PTPRD: variants seen among roughly 807,000 people sequenced by gnomAD.
PTPRD encodes protein tyrosine phosphatase receptor type D, also known as receptor-type tyrosine-protein phosphatase delta.
In PTPRD, 34 loss-of-function variants were observed where a neutral mutation model predicts 214.5. That is an observed-to-expected ratio of 0.16 (90% CI 0.12 to 0.21). The LOEUF is 0.21. PTPRD is among the 10% of genes least tolerant of loss of function. The pLI is 1.00. For synonymous variants in PTPRD, 1,128 were observed against 845.7 expected (o/e 1.33, Z -5.79); for missense variants, 2,545 against 2,398.7 (o/e 1.06, Z -1.27).
intron 10 of PTPRD, among the ~76,000 whole-genome samples, chr9:9,139,199 T>C (rs1195851266): frequency 6.6e-6 from 1 of 151,384 alleles, no homozygotes; most frequent in East Asian, 2.0e-4. Context: ...ACTATGTTTT[T>C]TTCTGTAATA....
intron 5 of PTPRD, among the ~76,000 whole-genome samples, chr9:9,864,385 G>A (rs965188025): frequency 4.6e-5 from 7 of 152,030 alleles, no homozygotes; most frequent in African/African-American, 1.7e-4. Flanking sequence ...TAAGAAGTTG[G>A]GAATAGAGGT....
At chr9:10,025,815 T>C (rs1278479376) in intron 4 of PTPRD, among the ~76,000 whole-genome samples, 1 of 152,168 alleles carries the variant, frequency 6.6e-6, no homozygotes, top group African/African-American at 2.4e-5. Context: ...ATTGAAAGAC[T>C]CTGAGGAAAC....
intron 11 of PTPRD, among the ~76,000 whole-genome samples, chr9:8,970,021 T>G (rs1168374331): frequency 6.6e-6 from 1 of 151,858 alleles, no homozygotes; most frequent in African/African-American, 2.4e-5. Context: ...TAGATGAGTG[T>G]TTGTGAGATA....
Position 10,020,035 on chromosome 9 carries a change from T to G in PTPRD, c.-472+13683A>C, listed in dbSNP as rs2096815877. On this transcript the variant is annotated intron_variant, in intron 4 of 45. Transcript: ENST00000381196. ...GTTTGGCACAATAATTTTACTCTTG[T>G]TTTATATAACTCAGTTTCAGATGTT... 2.0e-5 allele frequency among the ~76,000 whole-genome samples: 3 copies of G among 152,318 alleles called. No homozygotes were observed. In the South Asian group the frequency reaches 6.2e-4, roughly 32 times the overall value.
intron 11 of PTPRD, among the ~76,000 whole-genome samples, chr9:8,904,927 C>T (rs2098697157): frequency 6.6e-6 from 1 of 152,128 alleles, no homozygotes; most frequent in Non-Finnish European, 1.5e-5. Context: ...CATGTTTGGA[C>T]ATTTTTGGTT....
At chr9:9,029,243 A>T (rs1274725951) in intron 10 of PTPRD, among the ~76,000 whole-genome samples, 1 of 151,890 alleles carries the variant, frequency 6.6e-6, no homozygotes, top group Non-Finnish European at 1.5e-5. Context: ...TGCGACTTGC[A>T]TTATATTTCT....
intron 3 of PTPRD, among the ~76,000 whole-genome samples, chr9:10,301,159 A>T (rs1348429659): frequency 6.6e-6 from 1 of 152,146 alleles, no homozygotes; most frequent in African/African-American, 2.4e-5. Flanking sequence ...ACTCCAGCAG[A>T]CCTACAGCAG....
chr9:9,135,098 G>T (rs2099848841), intron 10 of PTPRD, among the ~76,000 whole-genome samples: 2 of 152,054 alleles, frequency 1.3e-5, no homozygotes, highest in Non-Finnish European at 2.9e-5. Context: ...AATTCCTTGA[G>T]GTAAAGGGTA....
chr9:9,789,747 A>C (rs1288400823), intron 5 of PTPRD, among the ~76,000 whole-genome samples: 1 of 128,940 alleles, frequency 7.8e-6, no homozygotes, highest in African/African-American at 2.9e-5. Context: ...CAGTGAGCCG[A>C]GATTGCGCCA....
chr9:9,760,910 G>T (rs957172253), intron 6 of PTPRD, among the ~76,000 whole-genome samples: 1 of 152,142 alleles, frequency 6.6e-6, no homozygotes, highest in African/African-American at 2.4e-5. Context: ...CCAAATGCTG[G>T]CAGGGATACA....
chr9:10,156,111 TGTGTGTGTGTGTGC>T (rs1456063946), intron 3 of PTPRD, among the ~76,000 whole-genome samples: 47 of 150,242 alleles, frequency 3.1e-4, no homozygotes, highest in African/African-American at 1.1e-3. Flanking sequence ...TGTGTGTGTG[TGTGTGTGTGTGTGC>T]CTGTCTCCTT....
intron 8 of PTPRD, among the ~76,000 whole-genome samples, chr9:9,515,308 C>T (rs953420014): frequency 8.6e-5 from 13 of 151,960 alleles, no homozygotes; most frequent in Non-Finnish European, 1.3e-4. Context: ...TTTGGAGTCT[C>T]CAAGTTTGAA....
At chr9:8,829,823 G>A (rs189673226) in intron 11 of PTPRD, among the ~76,000 whole-genome samples, 22 of 152,166 alleles carry the variant, frequency 1.4e-4, no homozygotes, top group South Asian at 4.2e-4. Flanking sequence ...TACCCTTCCT[G>A]ACCTTCACTT....
At chr9:8,395,478 C>G (rs1306150529) in intron 36 of PTPRD, among the ~76,000 whole-genome samples, 3 of 151,624 alleles carry the variant, frequency 2.0e-5, no homozygotes, top group East Asian at 1.9e-4. Flanking sequence ...TCAATGACAG[C>G]CACACGTGGC....
intron 9 of PTPRD, among the ~76,000 whole-genome samples, chr9:9,266,730 A>C (rs1939924141): frequency 6.6e-6 from 1 of 151,396 alleles, no homozygotes; most frequent in African/African-American, 2.4e-5. Context: ...AAGGTATCAA[A>C]AAGGAATTTA....
rs2083295794 is a variant in PTPRD, at chr9:8,376,519, T to C, written c.4506+88A>G. On this transcript the variant is annotated intron_variant, in intron 38 of 45. Coordinates refer to ENST00000381196, the MANE Select transcript of PTPRD (RefSeq NM_002839.4). ...GTTGCCATTGAGATCAAGATTTAAG[T>C]AAAGCCTTAAGAGATTTCATTTCTC... The C allele has an allele frequency of 6.4e-6, 10 of 1,569,206 alleles. No homozygotes were observed. In the East Asian group the frequency reaches 2.3e-4, roughly 36 times the overall value.
At chr9:10,431,269 T>G (rs2154520634) in intron 2 of PTPRD, among the ~76,000 whole-genome samples, 1 of 152,214 alleles carries the variant, frequency 6.6e-6, no homozygotes, top group East Asian at 1.9e-4. Flanking sequence ...CCTTACACTT[T>G]ATGCAAAAAT....
chr9:8,665,743 A>G (rs1170564990), intron 12 of PTPRD, among the ~76,000 whole-genome samples: 2 of 152,218 alleles, frequency 1.3e-5, no homozygotes, highest in East Asian at 1.9e-4. Context: ...ACATAGTAAC[A>G]AAAGTCACAG....
chr9:9,676,970 GTTGT>G (rs1343108442), intron 7 of PTPRD, among the ~76,000 whole-genome samples: 1 of 152,034 alleles, frequency 6.6e-6, no homozygotes, highest in Non-Finnish European at 1.5e-5. Flanking sequence ...TGTTGATGGG[GTTGT>G]TTGTTTTTTT....
Sources: allele counts gnomAD v4.1 joint callset (sites outside exome capture counted in the v4.1 genomes callset), GRCh38; gene constraint gnomAD v4.1.1; transcripts MANE v1.5; gene names NCBI Gene and HGNC (gene_info 2026-07-23, HGNC 2026-07-21).